Variants in ABCG5 observed in about 807,000 individuals in gnomAD.
The protein encoded by ABCG5 is ATP binding cassette subfamily G member 5, also known as ATP-binding cassette sub-family G member 5.
A neutral mutation model predicts 64.5 loss-of-function variants in ABCG5; 64 were observed. That is an observed-to-expected ratio of 0.99 (90% CI 0.81 to 1.22). The LOEUF (loss-of-function observed/expected upper bound fraction) is 1.22, where lower values mean the gene tolerates loss of function less well. Ranked by LOEUF, ABCG5 falls within the 50% of genes most tolerant of loss-of-function variation. The pLI, the probability that ABCG5 is intolerant of heterozygous loss-of-function variation, is 0.00. For synonymous variants in ABCG5, 385 were observed against 326.3 expected (o/e 1.18, Z -1.94); for missense variants, 908 against 829.5 (o/e 1.09, Z -1.16).
chr2:43,810,158 A>C, downstream of ABCG5: 1 of 366,182 alleles, frequency 2.7e-6, no homozygotes, highest in Non-Finnish European at 3.8e-6. Context: ...AGGCATTCTC[A>C]GCTGTAGCTG....
chr2:43,817,422 T>C (rs1572747783), intron 11 of ABCG5, among the ~76,000 whole-genome samples: 2 of 151,714 alleles, frequency 1.3e-5, no homozygotes, highest in African/African-American at 4.8e-5. Context: ...GAGACGGAGG[T>C]TGCAGTGAGC....
chr2:43,819,817 A>G (rs957745752), intron 11 of ABCG5, 98 bp downstream of exon 11: 1 of 1,305,486 alleles, frequency 7.7e-7, no homozygotes, highest in African/African-American at 1.5e-5. Context: ...ATCCATAACC[A>G]CTATCAGTTC....
At chr2:43,824,592 C>A (rs1199921368) in intron 7 of ABCG5, 160 bp from the exon 8 acceptor site, 1 of 985,298 alleles carries the variant, frequency 1.0e-6, no homozygotes. Flanking sequence ...TTTAAAGCAT[C>A]CCAGCAGGGC....
rs537396252 is a variant in ABCG5, at chr2:43,831,921, G to A, written c.402+26C>T. 1.2e-5 allele frequency: 18 copies of A among 1,526,664 alleles called. No homozygotes were observed. The African/African-American group carries it at 1.9e-4, about 16-fold the overall frequency. The allele number at this position is 1,526,664 out of a possible 1,614,324, so 94.6% of individuals were successfully genotyped here. ...CTAAGCCCCCGGGGCGGGCGGGGGG[G>A]CCAGGGGTGTGGGGGACGCGCCCAC... On this transcript the variant is annotated intron_variant, in intron 3 of 12. Coordinates refer to ENST00000405322, the MANE Select transcript of ABCG5 (RefSeq NM_022436.3).
chr2:43,823,387 A>G (rs1347702649), intron 9 of ABCG5, among the ~76,000 whole-genome samples: 2 of 150,794 alleles, frequency 1.3e-5, no homozygotes, highest in African/African-American at 4.9e-5. Context: ...CAAGCTCTAG[A>G]GCAACTTCAC....
In ABCG5 at chr2:43,826,552, G is replaced by A. The variant is rs577993428; in HGVS notation, c.635-31C>T. The A allele has an allele frequency of 5.6e-6, 9 of 1,614,074 alleles. No homozygotes were observed. The African/African-American group carries it at 1.1e-4, about 19-fold the overall frequency. On this transcript the variant is annotated intron_variant, in intron 5 of 12. Coordinates refer to ENST00000405322, the MANE Select transcript of ABCG5 (RefSeq NM_022436.3). ...AGCAAAGAAGGGCCAGACTTCTAAG[G>A]TAGTGCAGAGCCCAGGCTCTGTGCT...
chr2:43,839,041 A>T, upstream of ABCG5: 1 of 1,550,688 alleles, frequency 6.4e-7, no homozygotes, highest in Non-Finnish European at 8.7e-7. Flanking sequence ...AGGGTCACAG[A>T]CCTGTGGGCC....
intron 11 of ABCG5, among the ~76,000 whole-genome samples, chr2:43,815,910 G>GAAAAA (rs4148200): frequency 1.9e-5 from 2 of 104,070 alleles, no homozygotes; most frequent in East Asian, 3.5e-4. Flanking sequence ...AACAGGAAAA[G>GAAAAA]AAAAAAAAAA....
Position 43,822,876 on chromosome 2 carries a change from G to A in ABCG5, c.1384C>T (p.Gln462Ter), listed in dbSNP as rs1667325594. Residue 462 changes from glutamine to a stop codon, truncating the protein, a stop_gained, in exon 10 of 13, where the codon CAG becomes TAG. Coordinates refer to ENST00000405322, the MANE Select transcript of ABCG5 (RefSeq NM_022436.3). LOFTEE classifies it high-confidence loss of function. ...TGCAGTGCATAGGCCAGCATCATCT[G>A]CCACTTCTGGTAGAGGCCGTCCTGA... ...ESQDGLYQKW[Q>*]MMLAYALHVL... is the part of the protein sequence containing the mutation. 6.2e-7 allele frequency: 1 copy of A among 1,614,122 alleles called. No homozygotes were observed. The highest frequency in any genetic ancestry group is 8.5e-7 in the Non-Finnish European group (1 of 1,180,018).
Position 43,831,983 on chromosome 2 carries a change from C to G in ABCG5, c.366G>C (p.Arg122=), listed in dbSNP as rs776344516. ...EVYVNGRALR[R]EQFQDCFSYV... ...AGGAGAAGCAGTCCTGGAACTGCTC[C>G]CGGCGCAGCGCCCGGCCGTTCACAT... Residue 122 remains arginine (R), a synonymous_variant, in exon 3 of 13, where the codon CGG becomes CGC. Transcript: ENST00000405322. 82 of 1,553,282 alleles carry G rather than the reference C, an allele frequency of 5.3e-5. 1 individual carries two copies. In the South Asian group the frequency reaches 7.8e-4, roughly 15 times the overall value.
In ABCG5 at chr2:43,838,587, G is replaced by A. The variant is rs368621082; in HGVS notation, c.93C>T (p.Thr31=). The A allele has an allele frequency of 6.2e-6, 10 of 1,610,782 alleles. No homozygotes were observed. Among genetic ancestry groups the A allele is most frequent in the South Asian group, 5.5e-5 (5 of 90,550 alleles). ...TGCCCAGGCTGTGAGGCTCCGGGGC[G>A]GTGGCAGGAGCCCCCTCCAGGGAGC... ...SQSSLEGAPA[T]APEPHSLGIL... Residue 31 remains threonine, a synonymous_variant, in exon 1 of 13, where the codon ACC becomes ACT. Transcript: ENST00000405322. This position sits in a 1 kb window ranked among gnomAD's most constrained non-coding sequence, Gnocchi z 4.2.
intron 2 of ABCG5, among the ~76,000 whole-genome samples, chr2:43,837,120 CTT>C (rs113990483): frequency 1.5e-3 from 201 of 131,258 alleles, no homozygotes; most frequent in East Asian, 4.1e-3. Flanking sequence ...ATTCTCCAGT[CTT>C]TTTTTTTTTT....
chr2:43,838,560 G>C lies in ABCG5; in HGVS notation c.120C>G (p.Ile40Met). Reference protein sequence around the residue: ...ATAPEPHSLGILHASYSVSHR... With the variant: ...ATAPEPHSLGMLHASYSVSHR... ...ACCTGACGCTGTAGGAGGCATGGAG[G>C]ATGCCCAGGCTGTGAGGCTCCGGGG... is the stretch of plus-strand genomic sequence containing the variant. Residue 40 changes from isoleucine to methionine, a missense_variant, in exon 1 of 13, where the codon ATC (isoleucine) becomes ATG (methionine). Physicochemically the swap from Ile to Met is conservative, Grantham distance 10. Coordinates refer to ENST00000405322, the MANE Select transcript of ABCG5 (RefSeq NM_022436.3). The surrounding 1 kb of genome is among the most constrained non-coding windows in gnomAD (Gnocchi z 4.2). 1.2e-6 allele frequency: 2 copies of C among 1,607,620 alleles called. No homozygotes were observed. Among genetic ancestry groups the C allele is most frequent in the Non-Finnish European group, 1.7e-6 (2 of 1,177,616 alleles).
At chr2:43,831,733 T>C (rs1320023640) in intron 4 of ABCG5, 36 bp downstream of exon 4, 10 of 1,542,518 alleles carry the variant, frequency 6.5e-6, no homozygotes, top group South Asian at 1.2e-5. Flanking sequence ...GCAAAGGTAC[T>C]CAGTTTGCCC....
At position 43,824,680 on chromosome 2, in the gene ABCG5, G is replaced by T. The variant is rs559839219; in HGVS notation, c.904+209C>A. ...TGCTCTGATAAAGTAGTAGCAGTGCGCCAGTTTGTTTGAGAGAGATCCCTG... is the reference window on the plus strand; with the variant it reads ...TGCTCTGATAAAGTAGTAGCAGTGCTCCAGTTTGTTTGAGAGAGATCCCTG... On this transcript the variant is annotated intron_variant, in intron 7 of 12. Coordinates refer to ENST00000405322, the MANE Select transcript of ABCG5 (RefSeq NM_022436.3). The T allele has an allele frequency of 2.4e-5, 23 of 968,244 alleles. No homozygotes were observed. The African/African-American group carries it at 3.7e-4, about 16-fold the overall frequency. 60.0% of individuals were successfully genotyped at this position (968,244 alleles called of 1,614,324 possible).
downstream of ABCG5, among the ~76,000 whole-genome samples, chr2:43,807,743 C>CAAA (rs536977133): frequency 1.1e-3 from 47 of 41,618 alleles, 1 homozygote; most frequent in South Asian, 3.2e-3. Flanking sequence ...TTTGTTAAAG[C>CAAA]AAAAAAAAAA....
At chr2:43,829,375 T>G (rs1008833834) in intron 4 of ABCG5, among the ~76,000 whole-genome samples, 6 of 152,220 alleles carry the variant, frequency 3.9e-5, no homozygotes, top group African/African-American at 1.2e-4. Context: ...TTGAATTTCT[T>G]TAAGGACTTT....
intron 7 of ABCG5, 85 bp from the exon 8 acceptor site, chr2:43,824,517 G>C (rs923284254): frequency 6.3e-7 from 1 of 1,595,484 alleles, no homozygotes; most frequent in Non-Finnish European, 8.5e-7. Flanking sequence ...AGGAGTACTG[G>C]CCATAATACC....
intron 5 of ABCG5, among the ~76,000 whole-genome samples, chr2:43,826,950 T>C (rs1320997032): frequency 1.3e-5 from 2 of 152,112 alleles, no homozygotes; most frequent in Non-Finnish European, 2.9e-5. Context: ...AAGAAAAAAA[T>C]CTGACGAATA....
Sources: allele counts gnomAD v4.1 joint callset (sites outside exome capture counted in the v4.1 genomes callset), GRCh38; gene constraint gnomAD v4.1.1; non-coding constraint Gnocchi (gnomAD v3.1); transcripts MANE v1.5; gene names NCBI Gene and HGNC (gene_info 2026-07-23, HGNC 2026-07-21).